The following ASIC2 variants were observed in gnomAD, a reference collection of about 807,000 sequenced individuals.
The protein encoded by ASIC2 is acid sensing ion channel subunit 2.
A neutral mutation model predicts 57.3 loss-of-function variants in ASIC2; 25 were observed. The ratio of observed to expected loss-of-function variants is 0.44; its 90% CI spans 0.32 to 0.61. The LOEUF (loss-of-function observed/expected upper bound fraction) is 0.61, where lower values mean the gene tolerates loss of function less well. Among genes scored for constraint, ASIC2 ranks in the 20% least tolerant of loss-of-function variants. The pLI, the probability that ASIC2 is intolerant of heterozygous loss-of-function variation, is 0.06. For missense variants in ASIC2, 641 were observed against 738.1 expected, an observed-to-expected ratio of 0.87 and a Z score of 1.52; for synonymous variants, 319 against 307.5, an observed-to-expected ratio of 1.04 and a Z score of -0.39.
intron 1 of ASIC2, chr17:34,039,253 T>C: frequency 5.0e-6 from 8 of 1,614,002 alleles, no homozygotes; most frequent in Non-Finnish European, 6.8e-6. Flanking sequence ...GGACTGGGTC[T>C]GTCTGTGCTG....
In ASIC2 at chr17:33,839,560, T is replaced by C. The variant is rs190804023; in HGVS notation, c.555+316418A>G. On this transcript the variant is annotated intron_variant, in intron 1 of 9. Transcript: ENST00000359872. ...CAAACCACATTTATCCTTTGATTGC[T>C]CGCTCTAGGGTGACCAATTGTCCCC... Among the ~76,000 whole-genome samples, 159 of 152,306 alleles carry C rather than the reference T, an allele frequency of 1.0e-3. 1 individual carries two copies. Among genetic ancestry groups the C allele is most frequent in the African/African-American group, 3.8e-3 (157 of 41,578 alleles).
At chr17:33,202,509 C>T (rs1452034679) in intron 1 of ASIC2, among the ~76,000 whole-genome samples, 1 of 152,160 alleles carries the variant, frequency 6.6e-6, no homozygotes, top group African/African-American at 2.4e-5. Flanking sequence ...ACAGTGTGGC[C>T]AGCAGGTCAG....
chr17:33,215,761 G>A (rs1907454768), intron 1 of ASIC2, among the ~76,000 whole-genome samples: 2 of 150,600 alleles, frequency 1.3e-5, no homozygotes, highest in South Asian at 2.1e-4. Flanking sequence ...ATGCAGTGGC[G>A]CGATCTCGGC....
At chr17:34,069,654 G>A (rs541712970) in intron 1 of ASIC2, 5 of 152,494 alleles carry the variant, frequency 3.3e-5, no homozygotes, top group African/African-American at 1.2e-4. Flanking sequence ...AAGGTGAGAG[G>A]AGGAGAGGGA....
At chr17:33,472,601 A>G (rs975164539) in intron 1 of ASIC2, among the ~76,000 whole-genome samples, 1 of 152,156 alleles carries the variant, frequency 6.6e-6, no homozygotes, top group African/African-American at 2.4e-5. Flanking sequence ...CTCTTCACCC[A>G]AAGTGGAGAT....
At chr17:33,127,333 T>G (rs1273063849) in intron 1 of ASIC2, among the ~76,000 whole-genome samples, 1 of 152,152 alleles carries the variant, frequency 6.6e-6, no homozygotes, top group Non-Finnish European at 1.5e-5. Flanking sequence ...GGATGCAGAA[T>G]GGGGGACAGC....
chr17:33,025,267 T>G (rs1396369451), intron 5 of ASIC2, among the ~76,000 whole-genome samples: 1 of 152,192 alleles, frequency 6.6e-6, no homozygotes, highest in Admixed American at 6.5e-5. Context: ...GGCCTAGCTT[T>G]GGGGCTGCAG....
chr17:33,878,910 T>A (rs2932917), intron 1 of ASIC2, among the ~76,000 whole-genome samples: 1 of 151,996 alleles, frequency 6.6e-6, no homozygotes, highest in African/African-American at 2.4e-5. Context: ...GCTGATCTCT[T>A]GGCAGAAACT....
At chr17:33,856,459 T>TAGCAG (rs1452347105) in intron 1 of ASIC2, among the ~76,000 whole-genome samples, 6 of 44,252 alleles carry the variant, frequency 1.4e-4, no homozygotes, top group Admixed American at 3.0e-4. Context: ...AGTAATAGTC[T>TAGCAG]TATCAGTAGT....
At chr17:33,600,914 T>C (rs1057313940) in intron 1 of ASIC2, among the ~76,000 whole-genome samples, 4 of 152,210 alleles carry the variant, frequency 2.6e-5, no homozygotes, top group African/African-American at 9.6e-5. Flanking sequence ...ATCCCTTTTA[T>C]ATAGTTGCAA....
chr17:34,002,159 C>G (rs1906367582), intron 1 of ASIC2: 1 of 152,230 alleles, frequency 6.6e-6, no homozygotes, highest in Admixed American at 6.5e-5. Context: ...ACCCATCCTT[C>G]TATACACTGT....
chr17:33,628,353 G>T (rs2142025258), intron 1 of ASIC2, among the ~76,000 whole-genome samples: 1 of 151,536 alleles, frequency 6.6e-6, no homozygotes, highest in Admixed American at 6.6e-5. Context: ...GTACAGTGGT[G>T]TGACCATAGC....
chr17:33,435,024 C>T (rs778838295), intron 1 of ASIC2, among the ~76,000 whole-genome samples: 21 of 152,024 alleles, frequency 1.4e-4, no homozygotes, highest in Non-Finnish European at 3.1e-4. Context: ...ATCTTATCTC[C>T]TAAGTACTCA....
At chr17:33,832,958 G>A (rs547880390) in intron 1 of ASIC2, among the ~76,000 whole-genome samples, 7 of 152,234 alleles carry the variant, frequency 4.6e-5, no homozygotes, top group Admixed American at 1.3e-4. Context: ...TACATATTAC[G>A]GAATATTATG....
In ASIC2 at chr17:33,553,788, G is replaced by T. The variant is rs953388054; in HGVS notation, c.556-441721C>A. ...TATTATTATTATTATACCTATTTTG[G>T]TGATGGAGAAGCTTAGGCTAAGACA... is the stretch of plus-strand genomic sequence containing the variant. On this transcript the variant is annotated intron_variant, in intron 1 of 9. Coordinates refer to the ASIC2 transcript ENST00000359872. Among the ~76,000 whole-genome samples, 3 of 151,922 alleles carry T rather than the reference G, an allele frequency of 2.0e-5. No individual in the cohort carries two copies. The South Asian group carries it at 6.2e-4, about 32-fold the overall frequency.
In ASIC2 at chr17:33,103,030, G is replaced by A. The variant is rs182040972; in HGVS notation, c.859+8887C>T. 6.0e-4 allele frequency among the ~76,000 whole-genome samples: 92 copies of A among 152,188 alleles called. 2 individuals are homozygous for A. Among genetic ancestry groups the A allele is most frequent in the African/African-American group, 1.9e-3 (78 of 41,540 alleles). On this transcript the variant is annotated intron_variant, in intron 2 of 9. Coordinates refer to ENST00000225823, the MANE Select transcript of ASIC2 (RefSeq NM_183377.2). ...GATCTCCTGACCTCGTGATCCGCCCGCCTTGGCCTCCCAAAGTGCTGGTAT... is the reference window on the plus strand; with the variant it reads ...GATCTCCTGACCTCGTGATCCGCCCACCTTGGCCTCCCAAAGTGCTGGTAT...
intron 1 of ASIC2, among the ~76,000 whole-genome samples, chr17:33,731,298 A>G (rs16968813): frequency 4.6e-5 from 7 of 152,286 alleles, no homozygotes; most frequent in African/African-American, 1.4e-4. Context: ...GCTTTAGGAC[A>G]GACATTGCCA....
intron 1 of ASIC2, among the ~76,000 whole-genome samples, chr17:33,152,392 T>A (rs1200175645): frequency 1.3e-5 from 2 of 152,018 alleles, no homozygotes; most frequent in Non-Finnish European, 2.9e-5. Context: ...GTGGAGGAGA[T>A]CCCTACAGAT....
intron 1 of ASIC2, among the ~76,000 whole-genome samples, chr17:33,555,891 CAGAGCA>C (rs1299935804): frequency 6.6e-6 from 1 of 152,156 alleles, no homozygotes. Flanking sequence ...TAGCACTCTC[CAGAGCA>C]AGATGAGATT....
Sources: allele counts gnomAD v4.1 joint callset (sites outside exome capture counted in the v4.1 genomes callset), GRCh38; gene constraint gnomAD v4.1.1; transcripts MANE v1.5; gene names NCBI Gene and HGNC (gene_info 2026-07-23, HGNC 2026-07-21).